The following MOK variants were observed in gnomAD, a reference collection of about 807,000 sequenced individuals.
MOK encodes MAPK/MAK/MRK overlapping kinase.
A neutral mutation model predicts 54.2 loss-of-function variants in MOK; 59 were observed. The observed-to-expected ratio is 1.09, with a 90% CI of 0.88 to 1.35. The LOEUF (loss-of-function observed/expected upper bound fraction) is 1.35. MOK is among the 40% of genes most tolerant of loss of function. The probability of loss-of-function intolerance (pLI) is 0.00; values close to 1 mark genes in which losing one functional copy is unlikely to be tolerated. For synonymous variants in MOK, 210 were observed against 202.7 expected, an observed-to-expected ratio of 1.04 and a Z score of -0.31; for missense variants, 517 against 526.2, an observed-to-expected ratio of 0.98 and a Z score of 0.17.
At chr14:102,265,394 G>A (rs1029688871) in intron 3 of MOK, among the ~76,000 whole-genome samples, 2 of 152,208 alleles carry the variant, frequency 1.3e-5, no homozygotes, top group Non-Finnish European at 2.9e-5. Flanking sequence ...CATTTTGGGA[G>A]ACCAAGGTGG....
At position 102,305,067 on chromosome 14, in the gene MOK, G is replaced by T; in HGVS notation, c.-99C>A. ...CTGCTTTCCACTTCCCTGAGGCGGG[G>T]TCCCGCACTAGGATCTCCGTGGTGG... On this transcript the variant is annotated 5_prime_UTR_variant, in exon 1 of 12. Coordinates refer to ENST00000361847, the MANE Select transcript of MOK (RefSeq NM_014226.3). 1 of 1,407,872 alleles carries T rather than the reference G, an allele frequency of 7.1e-7. No individual in the cohort carries two copies. Among genetic ancestry groups the T allele is most frequent in the Non-Finnish European group, 9.9e-7 (1 of 1,014,010 alleles). 87.2% of individuals were successfully genotyped at this position (1,407,872 alleles called of 1,614,324 possible). A position where few individuals can be genotyped will look rare whatever the true frequency, so the allele number is the denominator to read the frequency against.
rs78040250 is a variant in MOK at position 102,236,076 on chromosome 14, G to A, written c.591-2287C>T. 6.6e-6 allele frequency among the ~76,000 whole-genome samples: 1 copy of A among 152,202 alleles called. No homozygotes were observed. The highest frequency in any genetic ancestry group is 1.5e-5 in the Non-Finnish European group (1 of 68,044). ...TTGAGTGCCAAAGAGTCCTTGTCCA[G>A]TGTGCCAGCAGACAGGCCACTGGAA... is the stretch of plus-strand genomic sequence containing the variant. On this transcript the variant is annotated intron_variant, in intron 7 of 11. Transcript: ENST00000361847. The surrounding 1 kb of genome is among the most constrained non-coding windows in gnomAD (Gnocchi z 4.5).
rs2072612444 is a variant in MOK at position 102,304,864 on chromosome 14, CGGCCCCACA to C, written c.7+89_7+97del. 6.5e-6 allele frequency: 9 copies of C among 1,383,556 alleles called. No individual in the cohort carries two copies. The South Asian group carries it at 1.0e-4, about 16-fold the overall frequency. The allele number at this position is 1,383,556 out of a possible 1,614,324, so 85.7% of individuals were successfully genotyped here. Reference sequence around the variant, plus strand: ...AGCCACGGCAGAAGGCGACGACGCCCGGCCCCACAGGCCCCTCAAGCTCCTCAAGCTCCC... The same window carrying C: ...AGCCACGGCAGAAGGCGACGACGCCCGGCCCCTCAAGCTCCTCAAGCTCCC... On this transcript the variant is annotated intron_variant, in intron 1 of 11. Coordinates refer to ENST00000361847, the MANE Select transcript of MOK (RefSeq NM_014226.3).
Position 102,235,414 on chromosome 14 carries a change from AAG to A in MOK, c.591-1627_591-1626del, listed in dbSNP as rs2153088906. ...GTCTTCTACCCTCCTTCCGGAAGAA[AAG>A]GAAAGAGTGTGGCTTGCAGCCCAGG... On this transcript the variant is annotated intron_variant, in intron 7 of 11. Transcript: ENST00000361847. This position sits in a 1 kb window ranked among gnomAD's most constrained non-coding sequence, Gnocchi z 4.4. 6.6e-6 allele frequency: 1 copy of A among 152,376 alleles called. No homozygotes were observed. Among genetic ancestry groups the A allele is most frequent in the South Asian group, 2.1e-4 (1 of 4,828 alleles). 9.4% of individuals were successfully genotyped at this position (152,376 alleles called of 1,614,324 possible).
chr14:102,299,583 G>T (rs1011879189), intron 1 of MOK, among the ~76,000 whole-genome samples: 12 of 152,030 alleles, frequency 7.9e-5, no homozygotes, highest in African/African-American at 2.9e-4. Flanking sequence ...TAACTTCTCT[G>T]GGTTTTTGTT....
intron 1 of MOK, among the ~76,000 whole-genome samples, chr14:102,291,471 C>T (rs187151854): frequency 2.6e-5 from 4 of 152,220 alleles, no homozygotes; most frequent in Admixed American, 2.6e-4. Context: ...TCAAGCAGAC[C>T]CTCATACTGA....
At chr14:102,276,260 G>A (rs990410920) in intron 2 of MOK, among the ~76,000 whole-genome samples, 7 of 151,996 alleles carry the variant, frequency 4.6e-5, no homozygotes, top group South Asian at 4.1e-4. Flanking sequence ...TGAAGTGGGC[G>A]GATCACAAGG....
chr14:102,229,237 G>A lies in MOK; in HGVS notation c.*52C>T. The A allele has an allele frequency of 2.0e-6, 3 of 1,516,892 alleles. No individual in the cohort carries two copies. Among genetic ancestry groups the A allele is most frequent in the Non-Finnish European group, 2.7e-6 (3 of 1,120,778 alleles). The allele number at this position is 1,516,892 out of a possible 1,614,324, so 94.0% of individuals were successfully genotyped here. The stretch of plus-strand genomic sequence containing the variant: ...CTCAGCAGCAGATCACCCAGGCCTG[G>A]CCCGGTCGGGCTTGGTGTTGCCTCC... On this transcript the variant is annotated 3_prime_UTR_variant, in exon 12 of 12. Transcript: ENST00000361847.
In MOK at chr14:102,304,943, T is replaced by C. The variant is rs1353562432; in HGVS notation, c.7+19A>G. On this transcript the variant is annotated intron_variant, in intron 1 of 11. Transcript: ENST00000361847. The stretch of plus-strand genomic sequence containing the variant: ...CCACTCGCTCTCCAGTCCCTGCCCC[T>C]TTCCCCGGCCCCACTCACTCTTCAT... 16 of 1,194,440 alleles carry C rather than the reference T, an allele frequency of 1.3e-5. No homozygotes were observed. Among genetic ancestry groups the C allele is most frequent in the Admixed American group, 2.2e-5 (1 of 44,654 alleles). The allele number at this position is 1,194,440 out of a possible 1,614,324, so 74.0% of individuals were successfully genotyped here.
intron 2 of MOK, among the ~76,000 whole-genome samples, chr14:102,266,178 C>T (rs189860838): frequency 1.3e-5 from 2 of 151,906 alleles, no homozygotes; most frequent in African/African-American, 4.8e-5. Context: ...TACATATTAA[C>T]AAACATAAAA....
intron 2 of MOK, among the ~76,000 whole-genome samples, chr14:102,279,105 A>G (rs1195218132): frequency 1.3e-5 from 2 of 152,202 alleles, no homozygotes; most frequent in East Asian, 1.9e-4. Flanking sequence ...CGACCTTTAG[A>G]GTCAGAGCTG....
chr14:102,256,145 C>A (rs1463533953), intron 4 of MOK, among the ~76,000 whole-genome samples: 1 of 151,708 alleles, frequency 6.6e-6, no homozygotes, highest in Non-Finnish European at 1.5e-5. Context: ...GTTGCCCAGG[C>A]TGGAGTGCAG....
chr14:102,229,899 G>T, intron 10 of MOK: 1 of 513,094 alleles, frequency 1.9e-6, no homozygotes. Context: ...GCTGAGCAGT[G>T]CGGGCGGCAA....
chr14:102,218,755 C>CACGGTGTGGGGGCTGATGGG, the MOK span, among the ~76,000 whole-genome samples: 1 of 152,324 alleles, frequency 6.6e-6, no homozygotes, highest in African/African-American at 2.4e-5. Context: ...CCGTTCCTCT[C>CACGGTGTGGGGGCTGATGGG]ACGGTGTGGG....
chr14:102,293,949 C>A (rs960617717), intron 1 of MOK, among the ~76,000 whole-genome samples: 1 of 152,034 alleles, frequency 6.6e-6, no homozygotes, highest in African/African-American at 2.4e-5. Context: ...AAAACATGAA[C>A]TTAAAATGAA....
At chr14:102,250,618 G>C (rs1340439733) in intron 7 of MOK, among the ~76,000 whole-genome samples, 194 bp downstream of exon 7, 5 of 152,162 alleles carry the variant, frequency 3.3e-5, no homozygotes, top group South Asian at 2.1e-4. Context: ...CTCTTCTCTG[G>C]GAAGGGCAGG....
chr14:102,232,361 C>G lies in MOK; in HGVS notation c.866+174G>C. On this transcript the variant is annotated intron_variant, in intron 9 of 11. Coordinates refer to ENST00000361847, the MANE Select transcript of MOK (RefSeq NM_014226.3). This position sits in a 1 kb window ranked among gnomAD's most constrained non-coding sequence, Gnocchi z 5.1. Reference sequence around the variant, plus strand: ...ACATCCTCATTTTGGGGAGGATACACCAGAAGGCAGCACGGTGTGGGCCCC... The same window carrying G: ...ACATCCTCATTTTGGGGAGGATACAGCAGAAGGCAGCACGGTGTGGGCCCC... 1.6e-6 allele frequency: 1 copy of G among 637,300 alleles called. No homozygotes were observed. Among genetic ancestry groups the G allele is most frequent in the Non-Finnish European group, 2.5e-6 (1 of 397,768 alleles). 39.5% of individuals were successfully genotyped at this position (637,300 alleles called of 1,614,324 possible). A position where few individuals can be genotyped will look rare whatever the true frequency, so the allele number is the denominator to read the frequency against.
chr14:102,218,876 C>G, the MOK span, among the ~76,000 whole-genome samples: 48 of 152,362 alleles, frequency 3.2e-4, no homozygotes, highest in African/African-American at 1.2e-3. Context: ...CCCAGCAGCT[C>G]CCGCACGCTG....
At chr14:102,221,341 A>G (rs181540416), downstream of MOK, among the ~76,000 whole-genome samples, 23 of 152,250 alleles carry the variant, frequency 1.5e-4, no homozygotes, top group Non-Finnish European at 3.2e-4. The surrounding 1 kb of genome is among the most constrained non-coding windows in gnomAD (Gnocchi z 4.8). Flanking sequence ...CCTGGACACC[A>G]CATAGCTTGT....
Sources: allele counts gnomAD v4.1 joint callset (sites outside exome capture counted in the v4.1 genomes callset), GRCh38; gene constraint gnomAD v4.1.1; non-coding constraint Gnocchi (gnomAD v3.1); transcripts MANE v1.5; gene names NCBI Gene and HGNC (gene_info 2026-07-23, HGNC 2026-07-21).